Variants in MED8 observed in about 807,000 individuals in gnomAD.
The protein encoded by MED8 is mediator complex subunit 8, also known as mediator of RNA polymerase II transcription subunit 8.
A neutral mutation model predicts 34.8 loss-of-function variants in MED8; 22 were observed. The observed-to-expected ratio is 0.63, with a 90% CI of 0.45 to 0.90. The LOEUF is 0.90. MED8 is among the 40% of genes least tolerant of loss of function. The pLI is 0.00. For missense variants in MED8, 260 were observed against 326.3 expected, an observed-to-expected ratio of 0.80 and a Z score of 1.57; for synonymous variants, 105 against 120.2, an observed-to-expected ratio of 0.87 and a Z score of 0.83.
Position 43,386,629 on chromosome 1 carries a change from CAGA to C in MED8, c.450_452del (p.Leu151del). On this transcript the variant is annotated inframe_deletion, in exon 5 of 7. Transcript: ENST00000372457. The surrounding 1 kb of genome is among the most constrained non-coding windows in gnomAD (Gnocchi z 4.9). ...CTCGCTCCTCTTTGCTGATTTTCTC[CAGA>C]AGGTTTGAACACATTTTATTCAAGC... 5 of 1,612,272 alleles carry C rather than the reference CAGA, an allele frequency of 3.1e-6. No individual in the cohort carries two copies. Among genetic ancestry groups the C allele is most frequent in the South Asian group, 1.1e-5 (1 of 90,580 alleles).
At chr1:43,389,665 C>T (rs1647998548) in intron 1 of MED8, 94 bp downstream of exon 1, 1 of 1,544,656 alleles carries the variant, frequency 6.5e-7, no homozygotes, top group Non-Finnish European at 8.8e-7. Context: ...GCCCTCTCTT[C>T]TCAGTCCCAA....
chr1:43,385,446 TTTAA>T, intron 6 of MED8: 1 of 260,246 alleles, frequency 3.8e-6, no homozygotes. Flanking sequence ...AGAATCTCTC[TTTAA>T]TTGTCCCTTT....
chr1:43,386,553 C>T lies in MED8; in HGVS notation c.493+36G>A, dbSNP rs376325074. 9 of 1,582,922 alleles carry T rather than the reference C, an allele frequency of 5.7e-6. No individual in the cohort carries two copies. The highest frequency in any genetic ancestry group is 1.3e-5 in the African/African-American group (1 of 74,374). ...TTCCCATTCCAGTGATCTTATATAC[C>T]TCTCCTTCTCTGTTTAGCCACCAGT... On this transcript the variant is annotated intron_variant, in intron 5 of 6. Transcript: ENST00000372457. The surrounding 1 kb of genome is among the most constrained non-coding windows in gnomAD (Gnocchi z 4.9).
In MED8 at chr1:43,386,579, C is replaced by T; in HGVS notation, c.493+10G>A. ...TCTCCTTCTCTGTTTAGCCACCAGT[C>T]CCATCATACCTCCACTCTCTGATTC... On this transcript the variant is annotated intron_variant, in intron 5 of 6. Transcript: ENST00000372457. This position sits in a 1 kb window ranked among gnomAD's most constrained non-coding sequence, Gnocchi z 4.9. 11 of 1,609,182 alleles carry T rather than the reference C, an allele frequency of 6.8e-6. No homozygotes were observed. The highest frequency in any genetic ancestry group is 9.3e-6 in the Non-Finnish European group (11 of 1,177,566).
chr1:43,388,689 G>T, intron 1 of MED8: 1 of 441,968 alleles, frequency 2.3e-6, no homozygotes, highest in Non-Finnish European at 4.1e-6. Flanking sequence ...TCTATGCCTG[G>T]TTTTTCTCTG....
rs754196158 is a variant in MED8, at chr1:43,386,327, T to A, written c.494-101A>T. ...GAGTGCCAGGGTTTGGAGTTCTGAA[T>A]TCAGCAACATCTAGACTCCCTCACA... On this transcript the variant is annotated intron_variant, in intron 5 of 6. Coordinates refer to ENST00000372457, the MANE Select transcript of MED8 (RefSeq NM_201542.5). The surrounding 1 kb of genome is among the most constrained non-coding windows in gnomAD (Gnocchi z 4.9). 5 of 1,420,610 alleles carry A rather than the reference T, an allele frequency of 3.5e-6. No homozygotes were observed. Among genetic ancestry groups the A allele is most frequent in the Admixed American group, 4.5e-5 (2 of 44,074 alleles). 88.0% of individuals were successfully genotyped at this position (1,420,610 alleles called of 1,614,324 possible).
In MED8 at chr1:43,386,931, G is replaced by A; in HGVS notation, c.338C>T (p.Pro113Leu). Residue 113 changes from proline to leucine, a missense_variant, in exon 4 of 7, where the codon CCT becomes CTT. Physicochemically the swap from Pro to Leu is moderately conservative, Grantham distance 98. Coordinates refer to ENST00000372457, the MANE Select transcript of MED8 (RefSeq NM_201542.5). The surrounding 1 kb of genome is among the most constrained non-coding windows in gnomAD (Gnocchi z 4.9). ...EVVPDHLRTK[P>L]DPEVEEQEKQ... Reference sequence around the variant, plus strand: ...CTCCTGTTCTTCCACTTCAGGGTCAGGCTTGGTTCTCAGATGGTCAGGGAC... The same window carrying A: ...CTCCTGTTCTTCCACTTCAGGGTCAAGCTTGGTTCTCAGATGGTCAGGGAC... 1.2e-6 allele frequency: 2 copies of A among 1,613,986 alleles called. No individual in the cohort carries two copies. The highest frequency in any genetic ancestry group is 1.7e-6 in the Non-Finnish European group (2 of 1,179,890).
At position 43,384,585 on chromosome 1, in the gene MED8, G is replaced by A. The variant is rs1348514439; in HGVS notation, c.*457C>T. 5.7e-6 allele frequency: 9 copies of A among 1,572,098 alleles called. No individual in the cohort carries two copies. Among genetic ancestry groups the A allele is most frequent in the Non-Finnish European group, 7.7e-6 (9 of 1,161,768 alleles). On this transcript the variant is annotated 3_prime_UTR_variant, in exon 7 of 7. Transcript: ENST00000372457. ...AACAGTGTGCCTCTAAGAACACAGA[G>A]GTTGCTACAGTTTCTGGCAGCACAA...
rs752228651 is a variant in MED8, at chr1:43,387,029, CTG to C, written c.271-33_271-32del. 8 of 1,610,162 alleles carry C rather than the reference CTG, an allele frequency of 5.0e-6. No individual in the cohort carries two copies. The African/African-American group carries it at 9.4e-5, about 19-fold the overall frequency. Reference sequence around the variant, plus strand: ...ACACACAGATTTTATTGATCCTACTCTGTACTCCAAGAAGATTCTATCTGGCC... The same window carrying C: ...ACACACAGATTTTATTGATCCTACTCTACTCCAAGAAGATTCTATCTGGCC... On this transcript the variant is annotated intron_variant, in intron 3 of 6. Coordinates refer to ENST00000372457, the MANE Select transcript of MED8 (RefSeq NM_201542.5).
intron 3 of MED8, 109 bp downstream of exon 3, chr1:43,387,394 C>A: frequency 7.1e-7 from 1 of 1,405,646 alleles, no homozygotes; most frequent in Non-Finnish European, 9.6e-7. Flanking sequence ...AAAAGCAAGG[C>A]CTCCAAAATT....
intron 2 of MED8, 37 bp downstream of exon 2, chr1:43,388,273 C>T: frequency 1.9e-6 from 3 of 1,603,508 alleles, no homozygotes; most frequent in Non-Finnish European, 2.6e-6. Context: ...GCCCCCCCAC[C>T]CATAAGCCCT....
intron 6 of MED8, chr1:43,385,308 T>G: frequency 1.6e-6 from 1 of 626,236 alleles, no homozygotes; most frequent in Non-Finnish European, 2.7e-6. Context: ...AGAAGTGACA[T>G]GGGAGAATAG....
chr1:43,385,681 G>A (rs764317651), intron 6 of MED8: 9 of 398,680 alleles, frequency 2.3e-5, no homozygotes, highest in Non-Finnish European at 3.2e-5. Context: ...AAGAGACACT[G>A]ACAACATATC....
At chr1:43,389,633 T>A (rs1052984666) in intron 1 of MED8, 126 bp downstream of exon 1, 5 of 1,409,426 alleles carry the variant, frequency 3.5e-6, no homozygotes, top group Non-Finnish European at 4.8e-6. Context: ...CAGCCCACAT[T>A]CCCTTATCAG....
intron 1 of MED8, chr1:43,388,645 C>T: frequency 1.6e-6 from 1 of 628,976 alleles, no homozygotes; most frequent in Non-Finnish European, 2.6e-6. Context: ...CAAGTCCTTC[C>T]ACCAACTGAT....
At chr1:43,387,965 C>T (rs1047087268) in intron 2 of MED8, among the ~76,000 whole-genome samples, 2 of 151,928 alleles carry the variant, frequency 1.3e-5, no homozygotes, top group Admixed American at 6.6e-5. Context: ...TCCTTTCCAG[C>T]CTGGAAATAA....
intron 6 of MED8, 47 bp from the exon 7 acceptor site, chr1:43,385,153 A>G: frequency 1.3e-6 from 2 of 1,546,158 alleles, no homozygotes; most frequent in Non-Finnish European, 1.7e-6. Context: ...TAAGACTTTC[A>G]TGACAAATCA....
chr1:43,385,938 C>T (rs769422333), intron 6 of MED8, 40 bp downstream of exon 6: 3 of 1,612,932 alleles, frequency 1.9e-6, no homozygotes, highest in Non-Finnish European at 2.5e-6. Flanking sequence ...CCTCCCACTC[C>T]TGCTCAAAGT....
rs1647778106 is a variant in MED8, at chr1:43,387,570, G to GT, written c.202dup (p.Thr68AsnfsTer6). The GT allele has an allele frequency of 6.2e-7, 1 of 1,614,020 alleles. No homozygotes were observed. The highest frequency in any genetic ancestry group is 8.5e-7 in the Non-Finnish European group (1 of 1,179,886). ...GATGACCTGGTTACGGAACAGCGGT[G>GT]TTTTTTCATGCTTCAAGACCTTGTT... On this transcript the variant is annotated frameshift_variant, in exon 3 of 7. Transcript: ENST00000372457. LOFTEE classifies it high-confidence loss of function.
Sources: allele counts gnomAD v4.1 joint callset (sites outside exome capture counted in the v4.1 genomes callset), GRCh38; gene constraint gnomAD v4.1.1; non-coding constraint Gnocchi (gnomAD v3.1); transcripts MANE v1.5; gene names NCBI Gene and HGNC (gene_info 2026-07-23, HGNC 2026-07-21).